NDST4: variants seen among roughly 807,000 people sequenced by gnomAD.
NDST4 encodes N-deacetylase and N-sulfotransferase 4.
A neutral mutation model predicts 100.8 loss-of-function variants in NDST4; 63 were observed. The ratio of observed to expected loss-of-function variants is 0.62; its 90% confidence interval spans 0.51 to 0.77. NDST4 has a LOEUF of 0.77. NDST4 is among the 30% of genes least tolerant of loss of function. The probability of loss-of-function intolerance (pLI) is 0.00; values close to 1 mark genes in which losing one functional copy is unlikely to be tolerated. For missense variants in NDST4, 943 were observed against 1,018.4 expected, an observed-to-expected ratio of 0.93 and a Z score of 1.01; for synonymous variants, 377 against 361.8, an observed-to-expected ratio of 1.04 and a Z score of -0.48.
At chr4:114,865,028 G>C (rs945596064) in intron 7 of NDST4, among the ~76,000 whole-genome samples, 1 of 151,974 alleles carries the variant, frequency 6.6e-6, no homozygotes, top group African/African-American at 2.4e-5. Context: ...CTGACCCCAA[G>C]AGAAGGTGGC....
chr4:115,067,997 G>GT (rs1728988294), intron 2 of NDST4, among the ~76,000 whole-genome samples: 3 of 133,484 alleles, frequency 2.2e-5, no homozygotes, highest in African/African-American at 9.7e-5. Flanking sequence ...CACGGTGTTT[G>GT]GTTTTTTGTC....
chr4:114,977,738 T>C (rs977667592), intron 2 of NDST4, among the ~76,000 whole-genome samples: 1 of 152,004 alleles, frequency 6.6e-6, no homozygotes, highest in Admixed American at 6.6e-5. Flanking sequence ...TTTAAAGGCA[T>C]AATTATTAAA....
intron 2 of NDST4, among the ~76,000 whole-genome samples, chr4:115,070,196 A>T (rs1286223002): frequency 2.0e-5 from 3 of 152,230 alleles, no homozygotes; most frequent in Non-Finnish European, 2.9e-5. Context: ...GGTAGGATGG[A>T]TATAGAAAAT....
chr4:115,089,397 G>A (rs1435571100), intron 1 of NDST4, among the ~76,000 whole-genome samples: 1 of 131,366 alleles, frequency 7.6e-6, no homozygotes, highest in Non-Finnish European at 1.6e-5. Flanking sequence ...CTTTTAAATG[G>A]GTGAGTTTCA....
intron 7 of NDST4, among the ~76,000 whole-genome samples, chr4:114,869,086 A>G (rs1050727938): frequency 6.6e-6 from 1 of 151,368 alleles, no homozygotes; most frequent in African/African-American, 2.4e-5. Flanking sequence ...CAAACATTCA[A>G]TCAATACTTA....
chr4:115,072,853 C>T (rs1198437455), intron 2 of NDST4, among the ~76,000 whole-genome samples: 3 of 151,826 alleles, frequency 2.0e-5, no homozygotes, highest in African/African-American at 7.2e-5. Context: ...AAGCAAAAAA[C>T]TTTTATACAG....
intron 7 of NDST4, among the ~76,000 whole-genome samples, chr4:114,867,665 C>CAAAAAAAAAAAAAAAAAAGAAA: frequency 5.0e-5 from 4 of 79,890 alleles, no homozygotes; most frequent in African/African-American, 1.5e-4. Context: ...AAAAAAAAAG[C>CAAAAAAAAAAAAAAAAAAGAAA]AAAAAAAAAA....
intron 4 of NDST4, among the ~76,000 whole-genome samples, chr4:114,940,387 G>A (rs1725722362): frequency 6.6e-6 from 1 of 152,190 alleles, no homozygotes; most frequent in Non-Finnish European, 1.5e-5. Context: ...AGCTCTAACA[G>A]CAACTGAAAT....
At chr4:114,910,826 G>C (rs1448397484) in intron 6 of NDST4, among the ~76,000 whole-genome samples, 2 of 152,160 alleles carry the variant, frequency 1.3e-5, no homozygotes, top group Admixed American at 1.3e-4. Flanking sequence ...CTGCTCTTCA[G>C]GCTAAAATAT....
chr4:114,890,287 A>G (rs2126205788), intron 6 of NDST4, among the ~76,000 whole-genome samples: 1 of 152,218 alleles, frequency 6.6e-6, no homozygotes, highest in South Asian at 2.1e-4. Flanking sequence ...TATAAATCTA[A>G]TGCAATTATA....
chr4:114,851,969 AATG>A (rs1240290969), intron 8 of NDST4, among the ~76,000 whole-genome samples: 2 of 152,174 alleles, frequency 1.3e-5, no homozygotes, highest in Non-Finnish European at 2.9e-5. Context: ...CACTGATGAA[AATG>A]CTTCTAGTCA....
chr4:115,112,983 T>C (rs1401177714), intron 1 of NDST4, among the ~76,000 whole-genome samples: 1 of 151,906 alleles, frequency 6.6e-6, no homozygotes, highest in Non-Finnish European at 1.5e-5. Context: ...TGCCTATAAA[T>C]CTCAGGTCCA....
chr4:114,924,690 G>A (rs866771021), intron 6 of NDST4, among the ~76,000 whole-genome samples: 5 of 152,170 alleles, frequency 3.3e-5, no homozygotes, highest in South Asian at 2.1e-4. Flanking sequence ...CCTGAGTTCC[G>A]GAGAGGGGCT....
At chr4:114,951,159 G>A (rs567369716) in intron 4 of NDST4, among the ~76,000 whole-genome samples, 114 of 152,056 alleles carry the variant, frequency 7.5e-4, no homozygotes, top group African/African-American at 2.6e-3. Flanking sequence ...GGACATAATT[G>A]GAAAACAATA....
At chr4:115,057,138 G>A (rs1728712437) in intron 2 of NDST4, among the ~76,000 whole-genome samples, 1 of 152,050 alleles carries the variant, frequency 6.6e-6, no homozygotes. Context: ...TATAAGAAAT[G>A]TTTTTCTCTG....
chr4:115,064,079 T>C (rs113281839), intron 2 of NDST4, among the ~76,000 whole-genome samples: 5 of 152,126 alleles, frequency 3.3e-5, no homozygotes, highest in African/African-American at 1.2e-4. Context: ...TTAGGCAATG[T>C]CCAATTTTTA....
intron 4 of NDST4, among the ~76,000 whole-genome samples, chr4:114,962,882 G>C (rs985853705): frequency 6.6e-6 from 1 of 151,946 alleles, no homozygotes; most frequent in African/African-American, 2.4e-5. Context: ...ACCACTTCAC[G>C]CCCACTAGAA....
intron 4 of NDST4, among the ~76,000 whole-genome samples, chr4:114,970,204 C>G (rs1375112716): frequency 6.7e-6 from 1 of 150,330 alleles, no homozygotes; most frequent in Admixed American, 6.6e-5. Flanking sequence ...AAATAACTTA[C>G]TTTTTGAAAT....
intron 6 of NDST4, among the ~76,000 whole-genome samples, chr4:114,892,480 A>T (rs1319170802): frequency 6.6e-6 from 1 of 152,140 alleles, no homozygotes; most frequent in Non-Finnish European, 1.5e-5. Context: ...TTTTACATAC[A>T]AATTTTACCT....
Sources: allele counts gnomAD v4.1 joint callset (sites outside exome capture counted in the v4.1 genomes callset), GRCh38; gene constraint gnomAD v4.1.1; transcripts MANE v1.5; gene names NCBI Gene and HGNC (gene_info 2026-07-23, HGNC 2026-07-21).